Variants in THSD4 observed in about 807,000 individuals in gnomAD.
THSD4 encodes thrombospondin type 1 domain containing 4.
A neutral mutation model predicts 119.0 loss-of-function variants in THSD4; 69 were observed. That is an observed-to-expected ratio of 0.58 (90% CI 0.48 to 0.71). The LOEUF (loss-of-function observed/expected upper bound fraction) is 0.71. Ranked by LOEUF, THSD4 falls within the 30% of genes least tolerant of loss-of-function variation. THSD4 has a pLI of 0.00. For missense variants in THSD4, 1,393 were observed against 1,391.1 expected, an observed-to-expected ratio of 1.00 and a Z score of -0.02; for synonymous variants, 524 against 540.4, an observed-to-expected ratio of 0.97 and a Z score of 0.42.
intron 7 of THSD4, among the ~76,000 whole-genome samples, chr15:71,587,787 TAAAAAAAAAAAAGA>T (rs201370947): frequency 3.8e-5 from 4 of 105,556 alleles, no homozygotes; most frequent in African/African-American, 1.4e-4. Context: ...AAAAAAAAAT[TAAAAAAAAAAAAGA>T]AAAAAAAAAA....
chr15:71,567,778 TG>T (rs2049271827), intron 7 of THSD4, among the ~76,000 whole-genome samples: 1 of 89,948 alleles, frequency 1.1e-5, no homozygotes, highest in Admixed American at 1.2e-4. Context: ...AGAGAGAGAG[TG>T]TGTGTGTGTG....
At chr15:71,235,890 G>C (rs962265741) in intron 4 of THSD4, among the ~76,000 whole-genome samples, 1 of 152,134 alleles carries the variant, frequency 6.6e-6, no homozygotes, top group African/African-American at 2.4e-5. Context: ...CATGCTGGCT[G>C]GAATGCCACC....
intron 6 of THSD4, among the ~76,000 whole-genome samples, chr15:71,402,037 G>A (rs2046541367): frequency 1.3e-5 from 2 of 150,852 alleles, no homozygotes; most frequent in African/African-American, 4.9e-5. Flanking sequence ...TCACTCATAG[G>A]TGGGAATTGA....
At chr15:71,712,034 T>A (rs927776436) in intron 8 of THSD4, among the ~76,000 whole-genome samples, 7 of 152,074 alleles carry the variant, frequency 4.6e-5, no homozygotes, top group Non-Finnish European at 8.8e-5. Flanking sequence ...TATACAACAC[T>A]CCAACCAACA....
At chr15:71,331,693 A>G (rs2045422855) in intron 6 of THSD4, among the ~76,000 whole-genome samples, 3 of 152,164 alleles carry the variant, frequency 2.0e-5, no homozygotes, top group African/African-American at 7.2e-5. Context: ...GGAGAAAGGC[A>G]TACTGCTTCA....
At chr15:71,602,553 CAAAAAAAAA>C (rs59370074) in intron 7 of THSD4, among the ~76,000 whole-genome samples, 53 of 53,902 alleles carry the variant, frequency 9.8e-4, no homozygotes, top group African/African-American at 1.4e-3. Flanking sequence ...AACTCTGTCT[CAAAAAAAAA>C]AAAAAAAAAA....
chr15:71,535,754 A>T (rs965203663), intron 7 of THSD4, among the ~76,000 whole-genome samples: 2 of 152,198 alleles, frequency 1.3e-5, no homozygotes, highest in Admixed American at 1.3e-4. Context: ...ATGTCTATTC[A>T]AACCTTTTGC....
At chr15:71,594,999 C>A (rs893542657) in intron 7 of THSD4, among the ~76,000 whole-genome samples, 2 of 151,936 alleles carry the variant, frequency 1.3e-5, no homozygotes, top group Non-Finnish European at 2.9e-5. Context: ...TCAGTCAATC[C>A]CAGTGGTGGG....
chr15:71,693,022 G>A (rs1225431974), intron 8 of THSD4, among the ~76,000 whole-genome samples: 2 of 152,020 alleles, frequency 1.3e-5, no homozygotes, highest in African/African-American at 4.8e-5. Context: ...GAGATAAAAA[G>A]GTCTCAAATT....
At chr15:71,186,804 A>G (rs918471539) in intron 3 of THSD4, 2 of 152,350 alleles carry the variant, frequency 1.3e-5, no homozygotes, top group Middle Eastern at 6.8e-3. Flanking sequence ...GATATTTCCA[A>G]TGAAAGCCTC....
intron 17 of THSD4, among the ~76,000 whole-genome samples, chr15:71,773,896 C>T (rs897003787): frequency 6.6e-6 from 1 of 152,178 alleles, no homozygotes; most frequent in African/African-American, 2.4e-5. Flanking sequence ...TTGATAGCAT[C>T]TTAAAATCAA....
intron 7 of THSD4, among the ~76,000 whole-genome samples, chr15:71,591,796 CA>C (rs78052027): frequency 0.23 from 34,389 of 149,376 alleles, 4,652 homozygotes; most frequent in Non-Finnish European, 0.3. Context: ...AACTGAGAAA[CA>C]AAAAAGTGGG....
chr15:71,632,359 G>T (rs2050648917), intron 7 of THSD4, among the ~76,000 whole-genome samples: 1 of 152,178 alleles, frequency 6.6e-6, no homozygotes, highest in Admixed American at 6.5e-5. Flanking sequence ...ACCCCTCCTT[G>T]ATCTGCCACC....
intron 7 of THSD4, among the ~76,000 whole-genome samples, chr15:71,574,342 C>G (rs143382673): frequency 6.6e-6 from 1 of 152,216 alleles, no homozygotes; most frequent in East Asian, 1.9e-4. Context: ...TGCTGACAAG[C>G]AAAATGAGGC....
rs141664393 is a variant in THSD4 at position 71,765,308 on chromosome 15, C to T, written c.2769+109C>T. 20 of 1,289,864 alleles carry T rather than the reference C, an allele frequency of 1.6e-5. No individual in the cohort carries two copies. In the African/African-American group the frequency reaches 1.6e-4, roughly 11 times the overall value. 79.9% of individuals were successfully genotyped at this position (1,289,864 alleles called of 1,614,324 possible). ...TGGGTTCAGCCCTGAAAGAGATTCCCTACAGCAATCTACCTTAGGTGGTAG... is the reference window on the plus strand; with the variant it reads ...TGGGTTCAGCCCTGAAAGAGATTCCTTACAGCAATCTACCTTAGGTGGTAG... On this transcript the variant is annotated intron_variant, in intron 16 of 17. Transcript: ENST00000261862.
At chr15:71,550,594 G>A (rs1276456546) in intron 7 of THSD4, among the ~76,000 whole-genome samples, 1 of 152,000 alleles carries the variant, frequency 6.6e-6, no homozygotes, top group African/African-American at 2.4e-5. Flanking sequence ...CTGCCGCCAC[G>A]CCCGGCTAAT....
intron 3 of THSD4, among the ~76,000 whole-genome samples, chr15:71,176,037 C>A (rs1470765271): frequency 9.1e-6 from 1 of 110,110 alleles, no homozygotes; most frequent in Non-Finnish European, 1.9e-5. Context: ...AAAATCATGC[C>A]AAAATGTAAA....
intron 4 of THSD4, among the ~76,000 whole-genome samples, chr15:71,241,491 T>TG (rs910466346): frequency 8.5e-5 from 13 of 152,208 alleles, no homozygotes; most frequent in African/African-American, 3.1e-4. Context: ...GTTGTAAGGT[T>TG]GGGGTCTTGA....
chr15:71,443,156 C>T (rs2047132847), intron 7 of THSD4, among the ~76,000 whole-genome samples: 1 of 152,124 alleles, frequency 6.6e-6, no homozygotes, highest in Non-Finnish European at 1.5e-5. Context: ...GTTGGTTGAA[C>T]TATTCTTGCA....
Sources: allele counts gnomAD v4.1 joint callset (sites outside exome capture counted in the v4.1 genomes callset), GRCh38; gene constraint gnomAD v4.1.1; transcripts MANE v1.5; gene names NCBI Gene and HGNC (gene_info 2026-07-23, HGNC 2026-07-21).